Variants in TSPAN6 observed in about 807,000 individuals in gnomAD.
TSPAN6 encodes tetraspanin 6, also known as tetraspanin-6.
Under a neutral mutation model 18.0 loss-of-function variants are expected in TSPAN6, and 13 were observed. The observed-to-expected ratio is 0.72, with a 90% confidence interval of 0.47 to 1.15. The LOEUF (loss-of-function observed/expected upper bound fraction) is 1.15. TSPAN6 is among the 50% of genes most tolerant of loss of function. The probability of loss-of-function intolerance (pLI) is 0.00; values close to 1 mark genes in which losing one functional copy is unlikely to be tolerated. For synonymous variants in TSPAN6, 82 were observed against 67.0 expected, an observed-to-expected ratio of 1.22 and a Z score of -1.09; for missense variants, 186 against 183.9, an observed-to-expected ratio of 1.01 and a Z score of -0.07.
chrX:100,630,504 A>G (rs2083051805), intron 7 of TSPAN6, among the ~76,000 whole-genome samples: 1 of 112,006 alleles, frequency 8.9e-6, no homozygotes, highest in South Asian at 3.7e-4. Context: ...GTATGTAAAT[A>G]TATAAACCCA....
At chrX:100,635,471 G>T in intron 2 of TSPAN6, 87 bp downstream of exon 2, 1 of 884,513 alleles carries the variant, frequency 1.1e-6, no homozygotes, top group Non-Finnish European at 1.5e-6. Context: ...ATTGTAAAGG[G>T]CCATGGCCAG....
chrX:100,629,885 T>C lies in TSPAN6; in HGVS notation c.*141A>G. 3.8e-6 allele frequency: 2 copies of C among 525,244 alleles called. No homozygotes were observed. Among genetic ancestry groups the C allele is most frequent in the Non-Finnish European group, 2.3e-6 (1 of 430,137 alleles). 43.3% of individuals were successfully genotyped at this position (525,244 alleles called of 1,213,427 possible). A position where few individuals can be genotyped will look rare whatever the true frequency, so the allele number is the denominator to read the frequency against. ...AGTTTTAGGTCTACATACATCTTGATTGAATCAACCTACTGGTGTAGTTTT... is the reference window on the plus strand; with the variant it reads ...AGTTTTAGGTCTACATACATCTTGACTGAATCAACCTACTGGTGTAGTTTT... On this transcript the variant is annotated 3_prime_UTR_variant, in exon 8 of 8. Transcript: ENST00000373020.
chrX:100,633,964 ATAATCTCCT>A lies in TSPAN6; in HGVS notation c.408_416del (p.Gly137_Tyr139del). 1 of 1,205,640 alleles carries A rather than the reference ATAATCTCCT, an allele frequency of 8.3e-7. No homozygotes were observed. Among genetic ancestry groups the A allele is most frequent in the Non-Finnish European group, 1.1e-6 (1 of 891,619 alleles). ...GGATCTTGTCTACTGCATGGCTTCT[ATAATCTCCT>A]GTAGAGTTATACTGCTTCAAAGCCT... On this transcript the variant is annotated inframe_deletion, in exon 4 of 8. Transcript: ENST00000373020.
intron 3 of TSPAN6, among the ~76,000 whole-genome samples, chrX:100,634,901 G>A (rs1164654248): frequency 8.9e-6 from 1 of 112,199 alleles, no homozygotes; most frequent in Non-Finnish European, 1.9e-5. Flanking sequence ...TTTCCTATCA[G>A]CAAAGTTATA....
At chrX:100,630,011 T>A in intron 7 of TSPAN6, 25 bp from the exon 8 acceptor site, 1 of 743,597 alleles carries the variant, frequency 1.3e-6, no homozygotes, top group Non-Finnish European at 1.6e-6. Flanking sequence ...AAAAAGTTAA[T>A]GTACTTGTTA....
In TSPAN6 at chrX:100,627,785, A is replaced by G. The variant is rs2083033793; in HGVS notation, c.*2241T>C. 9.2e-6 allele frequency: 1 copy of G among 109,259 alleles called. No individual in the cohort carries two copies. Among genetic ancestry groups the G allele is most frequent in the South Asian group, 3.9e-4 (1 of 2,532 alleles). 9.0% of individuals were successfully genotyped at this position (109,259 alleles called of 1,213,427 possible). A position where few individuals can be genotyped will look rare whatever the true frequency, so the allele number is the denominator to read the frequency against. On this transcript the variant is annotated 3_prime_UTR_variant, in exon 8 of 8. Transcript: ENST00000373020. ...ACATTCTATATTTTAATTTTCTATA[A>G]TTTTTCCTTTTTAATAATGAGGGAA...
chrX:100,630,964 C>T (rs768637774), intron 6 of TSPAN6, 98 bp from the exon 7 acceptor site: 25 of 650,202 alleles, frequency 3.8e-5, no homozygotes, highest in Non-Finnish European at 5.4e-5. Context: ...TTATAATTTT[C>T]GTCCTTGAGT....
intron 1 of TSPAN6, chrX:100,636,293 C>T: frequency 1.1e-6 from 1 of 883,029 alleles, no homozygotes; most frequent in Non-Finnish European, 1.4e-6. Context: ...TTGCAAAGGT[C>T]CAGGGTCACC....
chrX:100,635,342 T>C (rs2083087120), intron 2 of TSPAN6, 90 bp from the exon 3 acceptor site: 1 of 721,159 alleles, frequency 1.4e-6, no homozygotes, highest in Non-Finnish European at 2.1e-6. Flanking sequence ...GGTCGTCTTC[T>C]CAATTAGTTC....
At chrX:100,631,572 A>G (rs1441820022) in intron 6 of TSPAN6, among the ~76,000 whole-genome samples, 2 of 112,088 alleles carry the variant, frequency 1.8e-5, no homozygotes, top group African/African-American at 6.5e-5. Flanking sequence ...TTGATCTACA[A>G]CGTGGAATCA....
intron 4 of TSPAN6, 76 bp downstream of exon 4, chrX:100,633,855 T>C: frequency 2.7e-6 from 2 of 733,444 alleles, no homozygotes; most frequent in East Asian, 3.2e-5. Flanking sequence ...GTGGATAACA[T>C]CTAGTAGCCA....
chrX:100,636,842 G>C (rs1381232838), upstream of TSPAN6: 3 of 579,357 alleles, frequency 5.2e-6, no homozygotes, highest in Non-Finnish European at 7.3e-6. Flanking sequence ...TTTTGTAGAG[G>C]GTAAAGTATG....
chrX:100,633,931 C>T lies in TSPAN6; in HGVS notation c.450G>A (p.Thr150=), dbSNP rs146293177. The change falls in exon 4 of 8, where the codon ACG becomes ACA. Residue 150 remains threonine, a splice_region_variant and synonymous_variant. Coordinates refer to ENST00000373020, the MANE Select transcript of TSPAN6 (RefSeq NM_003270.4). ...RSHAVDKIQN[T]LHCCGVTDYR... ...CCTCTAGGTGGTGGTTACCACTTAC[C>T]GTATTTTGGATCTTGTCTACTGCAT... The T allele has an allele frequency of 4.8e-5, 57 of 1,177,970 alleles. No homozygotes were observed. The highest frequency in any genetic ancestry group is 6.2e-5 in the Non-Finnish European group (54 of 870,854).
At chrX:100,630,679 G>T in intron 7 of TSPAN6, 80 bp downstream of exon 7, 1 of 710,843 alleles carries the variant, frequency 1.4e-6, no homozygotes, top group Non-Finnish European at 2.1e-6. Flanking sequence ...GACGTTCTTG[G>T]CAAACTTAGT....
At chrX:100,636,064 T>C (rs1170011862) in intron 1 of TSPAN6, 1 of 595,174 alleles carries the variant, frequency 1.7e-6, no homozygotes, top group Non-Finnish European at 2.1e-6. Context: ...AAAAAAAACG[T>C]GATTTTATGA....
Position 100,630,750 on chromosome X carries a change from T to A in TSPAN6, c.*39+9A>T, listed in dbSNP as rs769688424. On this transcript the variant is annotated intron_variant, in intron 7 of 7. Transcript: ENST00000373020. ...ACACTAACAGAGCTGAGGACCAAAA[T>A]GAACGCACCTTAAAGGTAGAGAGGA... The A allele has an allele frequency of 8.5e-7, 1 of 1,169,629 alleles. No individual in the cohort carries two copies. Among genetic ancestry groups the A allele is most frequent in the Admixed American group, 2.2e-5 (1 of 44,829 alleles).
At chrX:100,635,978 T>C (rs755120434) in intron 1 of TSPAN6, among the ~76,000 whole-genome samples, 407 of 111,850 alleles carry the variant, frequency 3.6e-3, no homozygotes, top group Non-Finnish European at 6.4e-3. Context: ...CACAAGCCCA[T>C]GGCATATTTG....
intron 4 of TSPAN6, 77 bp from the exon 5 acceptor site, chrX:100,633,616 G>C (rs2083075074): frequency 1.0e-6 from 1 of 983,829 alleles, no homozygotes; most frequent in Non-Finnish European, 1.4e-6. Context: ...ATCCTCTATT[G>C]CAATTTGTGC....
chrX:100,630,902 A>G, intron 6 of TSPAN6, 36 bp from the exon 7 acceptor site: 1 of 1,036,284 alleles, frequency 9.6e-7, no homozygotes, highest in Middle Eastern at 2.5e-4. Flanking sequence ...AAATACATAC[A>G]CAAAAGAACT....
Sources: allele counts gnomAD v4.1 joint callset (sites outside exome capture counted in the v4.1 genomes callset), GRCh38; gene constraint gnomAD v4.1.1; transcripts MANE v1.5; gene names NCBI Gene and HGNC (gene_info 2026-07-23, HGNC 2026-07-21).